ARSJ: variants seen among roughly 807,000 people sequenced by gnomAD.
ARSJ encodes arylsulfatase J.
ARSJ carries 26 observed loss-of-function variants against 35.9 expected under a neutral mutation model. The observed-to-expected ratio is 0.72, with a 90% CI of 0.53 to 1.00. The LOEUF is 1.00. Ranked by LOEUF, ARSJ falls within the 50% of genes least tolerant of loss-of-function variation. The probability of loss-of-function intolerance (pLI) is 0.00; values close to 1 mark genes in which losing one functional copy is unlikely to be tolerated. For synonymous variants in ARSJ, 294 were observed against 267.6 expected (o/e 1.10, Z -0.96); for missense variants, 667 against 723.6 (o/e 0.92, Z 0.90).
At chr4:113,905,421 G>GC (rs1177359026) in intron 1 of ARSJ, among the ~76,000 whole-genome samples, 1 of 152,058 alleles carries the variant, frequency 6.6e-6, no homozygotes, top group African/African-American at 2.4e-5. Flanking sequence ...GAAACTATGA[G>GC]CTTTTTGAAG....
At chr4:113,921,586 T>C (rs12645879) in intron 1 of ARSJ, among the ~76,000 whole-genome samples, 84,911 of 151,896 alleles carry the variant, frequency 0.56, 24,126 homozygotes, top group East Asian at 0.8. Flanking sequence ...TGGCTTGTTA[T>C]GGTGAAATTT....
chr4:113,976,924 A>C (rs148917086), intron 1 of ARSJ, among the ~76,000 whole-genome samples: 242 of 152,368 alleles, frequency 1.6e-3, no homozygotes, highest in Middle Eastern at 3.4e-3. Flanking sequence ...TCAGTGCAAG[A>C]TAATGTTTAA....
chr4:113,940,804 A>G (rs1347906815), intron 1 of ARSJ, among the ~76,000 whole-genome samples: 2 of 151,944 alleles, frequency 1.3e-5, no homozygotes, highest in African/African-American at 4.8e-5. Context: ...AAAATAAGAT[A>G]ATTTTTTTTT....
intron 1 of ARSJ, among the ~76,000 whole-genome samples, chr4:113,965,077 C>T (rs1726807116): frequency 6.6e-6 from 1 of 152,100 alleles, no homozygotes; most frequent in Non-Finnish European, 1.5e-5. Context: ...GTGGCATCTA[C>T]ACTTATGGAA....
At chr4:113,976,692 A>G (rs1727612220) in intron 1 of ARSJ, among the ~76,000 whole-genome samples, 1 of 152,260 alleles carries the variant, frequency 6.6e-6, no homozygotes, top group South Asian at 2.1e-4. Context: ...ATCAAATCAC[A>G]GTAGCTATTT....
chr4:113,906,770 T>C, intron 1 of ARSJ: 1 of 455,970 alleles, frequency 2.2e-6, no homozygotes, highest in Non-Finnish European at 4.4e-6. Context: ...TAATAATACA[T>C]ATTGGGTTGC....
intron 1 of ARSJ, among the ~76,000 whole-genome samples, chr4:113,915,124 G>C (rs1723212977): frequency 6.6e-6 from 1 of 152,052 alleles, no homozygotes; most frequent in Non-Finnish European, 1.5e-5. Context: ...CATTAAAACA[G>C]TATATAGGCC....
At chr4:113,912,519 G>A (rs1331608068) in intron 1 of ARSJ, among the ~76,000 whole-genome samples, 3 of 152,118 alleles carry the variant, frequency 2.0e-5, no homozygotes, top group Non-Finnish European at 2.9e-5. Context: ...AAAGAATATG[G>A]TGGGACTATA....
At chr4:113,904,017 G>A (rs1368400649) in intron 1 of ARSJ, among the ~76,000 whole-genome samples, 1 of 152,170 alleles carries the variant, frequency 6.6e-6, no homozygotes, top group East Asian at 1.9e-4. Context: ...TCACCTCCCA[G>A]GTTCAAGCGA....
chr4:113,950,877 A>G (rs1725823527), intron 1 of ARSJ, among the ~76,000 whole-genome samples: 1 of 152,106 alleles, frequency 6.6e-6, no homozygotes, highest in Admixed American at 6.6e-5. Context: ...AGAAATTTGC[A>G]TACAGTTGAA....
chr4:113,978,853 A>G lies in ARSJ; in HGVS notation c.-19T>C. The G allele has an allele frequency of 1.3e-6, 2 of 1,573,456 alleles. No homozygotes were observed. Among genetic ancestry groups the G allele is most frequent in the Non-Finnish European group, 1.7e-6 (2 of 1,162,610 alleles). ...GAGCCATTCACTCAGGTCCCAGGTG[A>G]GACTCCACGCGGAGAACCACGCGCC... On this transcript the variant is annotated 5_prime_UTR_variant, in exon 1 of 2. Coordinates refer to ENST00000315366, the MANE Select transcript of ARSJ (RefSeq NM_024590.4).
At chr4:113,975,166 G>A (rs1170209953) in intron 1 of ARSJ, among the ~76,000 whole-genome samples, 1 of 152,188 alleles carries the variant, frequency 6.6e-6, no homozygotes, top group Non-Finnish European at 1.5e-5. Flanking sequence ...GATACCAGTT[G>A]GGTAGGGGGT....
chr4:113,979,160 C>A lies in ARSJ; in HGVS notation c.-326G>T, dbSNP rs1727781637. 1 of 219,742 alleles carries A rather than the reference C, an allele frequency of 4.6e-6. No individual in the cohort carries two copies. The highest frequency in any genetic ancestry group is 9.1e-6 in the Non-Finnish European group (1 of 110,492). 13.6% of individuals were successfully genotyped at this position (219,742 alleles called of 1,614,324 possible). ...CCCAAAAGTTCTCTGGAGAAAAAAA[C>A]CAAGCAAGGAATTGAGAATCACAGT... On this transcript the variant is annotated 5_prime_UTR_variant, in exon 1 of 2. Transcript: ENST00000315366.
At chr4:113,934,238 C>G (rs906605915) in intron 1 of ARSJ, among the ~76,000 whole-genome samples, 2 of 151,726 alleles carry the variant, frequency 1.3e-5, no homozygotes, top group Non-Finnish European at 2.9e-5. Context: ...TGTAATACAG[C>G]AAATTCCACT....
At chr4:113,935,996 T>C (rs1724743133) in intron 1 of ARSJ, among the ~76,000 whole-genome samples, 1 of 151,994 alleles carries the variant, frequency 6.6e-6, no homozygotes, top group African/African-American at 2.4e-5. Context: ...AAACAGTATT[T>C]GCTATCAAAT....
chr4:113,935,452 A>G (rs1352744250), intron 1 of ARSJ, among the ~76,000 whole-genome samples: 1 of 151,910 alleles, frequency 6.6e-6, no homozygotes, highest in Non-Finnish European at 1.5e-5. Context: ...AGACATAGAA[A>G]TGTACACAAG....
intron 1 of ARSJ, among the ~76,000 whole-genome samples, chr4:113,942,119 C>T (rs1594460339): frequency 6.6e-6 from 1 of 151,864 alleles, no homozygotes; most frequent in Non-Finnish European, 1.5e-5. Context: ...TAAGAACGGT[C>T]AAGTTAACTG....
chr4:113,925,743 G>A (rs1407798336), intron 1 of ARSJ, among the ~76,000 whole-genome samples: 2 of 152,174 alleles, frequency 1.3e-5, no homozygotes, highest in Non-Finnish European at 2.9e-5. Flanking sequence ...GAAGCATTGT[G>A]TGCAGGATAG....
At chr4:113,974,852 C>CA (rs1401285321) in intron 1 of ARSJ, among the ~76,000 whole-genome samples, 1 of 152,064 alleles carries the variant, frequency 6.6e-6, no homozygotes, top group Non-Finnish European at 1.5e-5. Context: ...CCTATGTTCA[C>CA]AAAAAACATA....
Sources: gnomAD v4.1 joint callset for allele counts (sites outside exome capture counted in the v4.1 genomes callset) on GRCh38, gnomAD v4.1.1 for gene constraint, MANE v1.5 for transcripts, NCBI Gene and HGNC (gene_info 2026-07-23, HGNC 2026-07-21) for gene names.